YEATS2: variants seen among roughly 807,000 people sequenced by gnomAD.
The protein encoded by YEATS2 is YEATS domain containing 2.
A neutral mutation model predicts 163.2 loss-of-function variants in YEATS2; 77 were observed. That is an observed-to-expected ratio of 0.47 (90% confidence interval 0.39 to 0.57). The LOEUF is 0.57. Among genes scored for constraint, YEATS2 ranks in the 20% least tolerant of loss-of-function variants. The pLI is 0.00. For synonymous variants in YEATS2, 631 were observed against 645.1 expected, an observed-to-expected ratio of 0.98 and a Z score of 0.33; for missense variants, 1,549 against 1,729.8, an observed-to-expected ratio of 0.90 and a Z score of 1.85.
Position 183,772,287 on chromosome 3 carries a change from C to CT in YEATS2, c.1948-17dup, listed in dbSNP as rs745787574. 2.5e-6 allele frequency: 4 copies of CT among 1,612,894 alleles called. No homozygotes were observed. In the African/African-American group the frequency reaches 5.3e-5, roughly 22 times the overall value. ...AGAGCTCTCGAAGCACCGTTGGACT[C>CT]TGCTCTGTTTTGAACAGGTTGTCGG... On this transcript the variant is annotated splice_polypyrimidine_tract_variant and intron_variant, in intron 15 of 30. Coordinates refer to ENST00000305135, the MANE Select transcript of YEATS2 (RefSeq NM_018023.5).
In YEATS2 at chr3:183,790,888, T is replaced by C. The variant is rs780295686; in HGVS notation, c.3005T>C (p.Val1002Ala). Residue 1002 changes from valine (V) to alanine (A), a missense_variant, in exon 21 of 31, where the codon GTG becomes GCG. Coordinates refer to ENST00000305135, the MANE Select transcript of YEATS2 (RefSeq NM_018023.5). The part of the protein sequence containing the change: ...QQQVCVSQAT[V>A]GTCKAATPTV... ...CAAGTGTGTGTGAGCCAGGCCACCG[T>C]GGGAACCTGCAAGGCTGCCACCCCC... 6.2e-7 allele frequency: 1 copy of C among 1,614,154 alleles called. No homozygotes were observed. The highest frequency in any genetic ancestry group is 8.5e-7 in the Non-Finnish European group (1 of 1,180,024).
At chr3:183,752,581 T>C (rs1577113503) in intron 10 of YEATS2, among the ~76,000 whole-genome samples, 2 of 151,130 alleles carry the variant, frequency 1.3e-5, no homozygotes, top group Admixed American at 6.6e-5. Context: ...TGATGGTGGG[T>C]GCCTGTAGTC....
chr3:183,793,444 A>C, intron 21 of YEATS2: 1 of 994,160 alleles, frequency 1.0e-6, no homozygotes, highest in Non-Finnish European at 1.2e-6. Context: ...TGTGTTGGAT[A>C]CTGGAGTAGA....
At chr3:183,760,313 A>AGTTTTTTTTTTTTTTTT (rs1283432086) in intron 13 of YEATS2, among the ~76,000 whole-genome samples, 3 of 110,314 alleles carry the variant, frequency 2.7e-5, no homozygotes, top group African/African-American at 3.6e-5. Flanking sequence ...AAACTACAGA[A>AGTTTTTTTTTTTTTTTT]TTTTTTTTTT....
chr3:183,707,247 A>G (rs1311588995), intron 1 of YEATS2, among the ~76,000 whole-genome samples: 1 of 152,132 alleles, frequency 6.6e-6, no homozygotes, highest in Non-Finnish European at 1.5e-5. Context: ...TAACACCAGC[A>G]CCTCCAACTA....
At chr3:183,703,037 C>T (rs918832190) in intron 1 of YEATS2, among the ~76,000 whole-genome samples, 12 of 152,048 alleles carry the variant, frequency 7.9e-5, no homozygotes, top group African/African-American at 2.4e-4. Flanking sequence ...GTCTTAAAGC[C>T]GTTTTATTTA....
At chr3:183,728,150 G>A (rs1012612098) in intron 6 of YEATS2, among the ~76,000 whole-genome samples, 6 of 151,934 alleles carry the variant, frequency 3.9e-5, no homozygotes, top group Non-Finnish European at 5.9e-5. Flanking sequence ...CTTTAGCTTC[G>A]AACTCCTGGG....
intron 15 of YEATS2, among the ~76,000 whole-genome samples, chr3:183,766,171 C>T (rs187552230): frequency 6.6e-6 from 1 of 152,296 alleles, no homozygotes; most frequent in Admixed American, 6.5e-5. Flanking sequence ...GCAGTTAGAG[C>T]TTGTTGCAAA....
intron 21 of YEATS2, among the ~76,000 whole-genome samples, chr3:183,794,996 C>G (rs1291087893): frequency 1.1e-4 from 13 of 122,354 alleles, no homozygotes. Flanking sequence ...GTGACAAGAC[C>G]CCATTTCTTA....
chr3:183,810,171 C>G (rs957464891), intron 30 of YEATS2: 1 of 250,590 alleles, frequency 4.0e-6, no homozygotes, highest in Non-Finnish European at 7.8e-6. Context: ...ACTCAGCTTT[C>G]GGTCTGCTGA....
chr3:183,769,360 T>G (rs1722225909), intron 15 of YEATS2, among the ~76,000 whole-genome samples: 1 of 152,262 alleles, frequency 6.6e-6, no homozygotes, highest in African/African-American at 2.4e-5. Context: ...GCCACAAATG[T>G]CTGTCCTTTG....
Position 183,721,965 on chromosome 3 carries a change from A to C in YEATS2, c.366A>C (p.Ser122=). The part of the protein sequence containing the change: ...IKKFLESPSR[S]SSPANQRAET... ...AATTTTTGGAATCACCATCTAGGTC[A>C]TCATCTCCTGCCAATCAGAGAGCAG... Residue 122 remains serine (S), a synonymous_variant, in exon 5 of 31, where the codon TCA becomes TCC. Transcript: ENST00000305135. The C allele has an allele frequency of 6.2e-7, 1 of 1,614,194 alleles. No homozygotes were observed. The highest frequency in any genetic ancestry group is 1.1e-5 in the South Asian group (1 of 91,090).
intron 19 of YEATS2, among the ~76,000 whole-genome samples, chr3:183,781,207 G>C (rs1021083775): frequency 2.0e-5 from 3 of 152,146 alleles, no homozygotes. Flanking sequence ...GCAGGCTGGA[G>C]ATCAGGAAAG....
intron 15 of YEATS2, among the ~76,000 whole-genome samples, chr3:183,765,305 G>A (rs914976183): frequency 6.6e-6 from 1 of 152,154 alleles, no homozygotes; most frequent in African/African-American, 2.4e-5. Flanking sequence ...TATGTTAGAA[G>A]CTCTTGGATA....
In YEATS2 at chr3:183,809,153, G is replaced by T. The variant is rs767552889; in HGVS notation, c.4143G>T (p.Gln1381His). 2 of 1,614,032 alleles carry T rather than the reference G, an allele frequency of 1.2e-6. No homozygotes were observed. Among genetic ancestry groups the T allele is most frequent in the Non-Finnish European group, 1.7e-6 (2 of 1,180,026 alleles). ...GACAGGCTTTGGCAGTTGGATACCA[G>T]ACAGCTTCTCACAACAGGTATTACT... ...ILRQALAVGY[Q>H]TASHNRIPKE... The change falls in exon 30 of 31, where the codon CAG (glutamine) becomes CAT (histidine). Residue 1381 changes from glutamine to histidine, a missense_variant. Transcript: ENST00000305135.
intron 7 of YEATS2, among the ~76,000 whole-genome samples, chr3:183,730,953 A>C (rs1456266083): frequency 3.3e-5 from 5 of 152,296 alleles, no homozygotes; most frequent in African/African-American, 1.2e-4. Context: ...AGTCTCCGTG[A>C]AGTCAAAGAA....
intron 8 of YEATS2, among the ~76,000 whole-genome samples, chr3:183,738,264 A>C (rs1718558684): frequency 6.6e-6 from 1 of 152,184 alleles, no homozygotes; most frequent in African/African-American, 2.4e-5. Context: ...AGAGTCACAC[A>C]TCTCTCACCT....
intron 18 of YEATS2, 79 bp downstream of exon 18, chr3:183,776,202 C>T (rs1722980867): frequency 1.4e-6 from 2 of 1,400,050 alleles, no homozygotes; most frequent in Non-Finnish European, 1.9e-6. Context: ...TTTACCTTTA[C>T]GGCTCTGGGA....
chr3:183,808,718 G>C (rs764966457), intron 29 of YEATS2: 1 of 182,908 alleles, frequency 5.5e-6, no homozygotes, highest in African/African-American at 2.4e-5. Context: ...AGCTGGGCTT[G>C]GTGGCGCTCA....
Sources: gnomAD v4.1 joint callset for allele counts (sites outside exome capture counted in the v4.1 genomes callset) on GRCh38, gnomAD v4.1.1 for gene constraint, MANE v1.5 for transcripts, NCBI Gene and HGNC (gene_info 2026-07-23, HGNC 2026-07-21) for gene names.